AFTPH: variants seen among roughly 807,000 people sequenced by gnomAD.
AFTPH encodes the protein aftiphilin.
In AFTPH, 7 loss-of-function variants were observed where a neutral mutation model predicts 72.5. That is an observed-to-expected ratio of 0.10 (90% CI 0.05 to 0.18). AFTPH has a LOEUF of 0.18. Ranked by LOEUF, AFTPH falls within the 10% of genes least tolerant of loss-of-function variation. The pLI is 1.00. For synonymous variants in AFTPH, 337 were observed against 370.1 expected, an observed-to-expected ratio of 0.91 and a Z score of 1.03; for missense variants, 979 against 1,060.5, an observed-to-expected ratio of 0.92 and a Z score of 1.07.
At chr2:64,537,150 C>G (rs1332799060) in intron 1 of AFTPH, among the ~76,000 whole-genome samples, 1 of 151,776 alleles carries the variant, frequency 6.6e-6, no homozygotes, top group Non-Finnish European at 1.5e-5. Flanking sequence ...ACAAACAATA[C>G]TGGAATCAAT....
exon 9 of AFTPH, chr2:64,592,176 G>T: frequency 2.6e-6 from 2 of 756,998 alleles, no homozygotes; most frequent in African/African-American, 1.8e-5. Context: ...CACTAGAAAG[G>T]TATACATAGT....
intron 1 of AFTPH, among the ~76,000 whole-genome samples, chr2:64,538,145 T>TA (rs1456151804): frequency 6.6e-6 from 1 of 152,168 alleles, no homozygotes; most frequent in East Asian, 1.9e-4. Flanking sequence ...GGTCATCATG[T>TA]AAAATGTATT....
intron 1 of AFTPH, among the ~76,000 whole-genome samples, chr2:64,550,730 C>CACACACACACAA (rs1299044267): frequency 1.4e-5 from 2 of 140,358 alleles, no homozygotes; most frequent in Admixed American, 1.4e-4. Context: ...CACACACACA[C>CACACACACACAA]AACTGGTGAA....
intron 3 of AFTPH, 91 bp from the exon 4 acceptor site, chr2:64,568,999 ATG>A: frequency 1.5e-6 from 2 of 1,344,534 alleles, no homozygotes; most frequent in Admixed American, 1.7e-5. Context: ...AGTAAATGGA[ATG>A]TGTGTTATGT....
chr2:64,579,441 A>G (rs777779349), intron 6 of AFTPH, 45 bp from the exon 7 acceptor site: 27 of 1,504,254 alleles, frequency 1.8e-5, no homozygotes, highest in African/African-American at 7.0e-5. Context: ...TTACGTTGCT[A>G]CAACCTGTAC....
intron 6 of AFTPH, among the ~76,000 whole-genome samples, chr2:64,574,997 G>A (rs1672675463): frequency 1.3e-5 from 2 of 151,400 alleles, no homozygotes; most frequent in Admixed American, 1.3e-4. Context: ...TACATTCACT[G>A]AAAATGGAGC....
At chr2:64,550,771 G>T (rs559576521) in intron 1 of AFTPH, among the ~76,000 whole-genome samples, 1 of 149,396 alleles carries the variant, frequency 6.7e-6, no homozygotes, top group Non-Finnish European at 1.5e-5. Flanking sequence ...TGAGTTAATA[G>T]TATTGTACTG....
At chr2:64,553,064 T>C (rs1671146790) in exon 2 of AFTPH, 1 of 1,614,036 alleles carries the variant, frequency 6.2e-7, no homozygotes, top group African/African-American at 1.3e-5. Context: ...AACTTAAAAA[T>C]GGGCAAGAAG....
At chr2:64,537,540 A>G (rs1669963991) in intron 1 of AFTPH, among the ~76,000 whole-genome samples, 1 of 152,228 alleles carries the variant, frequency 6.6e-6, no homozygotes, top group Non-Finnish European at 1.5e-5. Context: ...TATCTTTTAG[A>G]GAACTTTTAC....
chr2:64,563,008 G>A (rs906295753), intron 2 of AFTPH, among the ~76,000 whole-genome samples: 1 of 152,176 alleles, frequency 6.6e-6, no homozygotes, highest in Non-Finnish European at 1.5e-5. Flanking sequence ...ACTGTTTGAT[G>A]CAACCTTTTT....
Position 64,584,593 on chromosome 2 carries a change from A to ATTT in AFTPH, c.2456-810_2456-808dup, listed in dbSNP as rs5831705. ...TGTTTATGATTAGTCCTTAGTCATGATTTTTTTTTTTTTTTTTTTTTGAGA... is the reference window on the plus strand; with the variant it reads ...TGTTTATGATTAGTCCTTAGTCATGATTTTTTTTTTTTTTTTTTTTTTTTGAGA... On this transcript the variant is annotated intron_variant, in intron 7 of 8. Coordinates refer to ENST00000238856, the Ensembl canonical transcript of AFTPH. 8.5e-4 allele frequency among the ~76,000 whole-genome samples: 99 copies of ATTT among 116,948 alleles called. 1 individual carries two copies. Among genetic ancestry groups the ATTT allele is most frequent in the South Asian group, 3.9e-3 (14 of 3,546 alleles). 76.7% of individuals were successfully genotyped at this position (116,948 alleles called of 152,430 possible). A position where few individuals can be genotyped will look rare whatever the true frequency, so the allele number is the denominator to read the frequency against.
chr2:64,562,194 A>G (rs937413680), intron 2 of AFTPH, among the ~76,000 whole-genome samples: 1 of 152,198 alleles, frequency 6.6e-6, no homozygotes, highest in Non-Finnish European at 1.5e-5. Context: ...GGTATATGGG[A>G]GACAAGATTT....
chr2:64,559,010 C>A (rs11691430), intron 2 of AFTPH, among the ~76,000 whole-genome samples: 52,863 of 151,996 alleles, frequency 0.35, 9,340 homozygotes, highest in South Asian at 0.39. Flanking sequence ...GCAAACTCCA[C>A]ACAGGTAGTG....
intron 6 of AFTPH, among the ~76,000 whole-genome samples, chr2:64,575,711 G>A (rs79266175): frequency 0.043 from 1,899 of 44,376 alleles, 52 homozygotes; most frequent in African/African-American, 0.19. Flanking sequence ...ATATGTGTGT[G>A]TGTGTGTGTG....
exon 9 of AFTPH, chr2:64,591,894 G>T: frequency 1.2e-6 from 2 of 1,613,534 alleles, no homozygotes; most frequent in Non-Finnish European, 1.7e-6. Flanking sequence ...GTAGGAAACC[G>T]AAAAGAGAAG....
At chr2:64,533,487 T>C (rs1362914) in intron 1 of AFTPH, among the ~76,000 whole-genome samples, 61,168 of 151,992 alleles carry the variant, frequency 0.4, 12,425 homozygotes, top group African/African-American at 0.47. Flanking sequence ...AAAACCCCAT[T>C]TGTGATTTTT....
At chr2:64,552,197 A>G (rs1319747594) in exon 2 of AFTPH, 1 of 1,613,830 alleles carries the variant, frequency 6.2e-7, no homozygotes, top group Admixed American at 1.7e-5. Flanking sequence ...CCAAAAAGGA[A>G]AGGATACAAT....
At chr2:64,585,572 A>C in intron 8 of AFTPH, 27 bp downstream of exon 9, 2 of 1,573,420 alleles carry the variant, frequency 1.3e-6, no homozygotes, top group Non-Finnish European at 1.7e-6. Flanking sequence ...AATTATACCC[A>C]CATTTTGAAT....
Position 64,567,456 on chromosome 2 carries a change from TCTCA to T in AFTPH, c.1936-104_1936-101del, listed in dbSNP as rs563158477. The T allele has an allele frequency of 1.1e-3, 1,276 of 1,143,314 alleles. 9 individuals are homozygous for T. In the Middle Eastern group the frequency reaches 0.017, roughly 15 times the overall value. The allele number at this position is 1,143,314 out of a possible 1,614,324, so 70.8% of individuals were successfully genotyped here. On this transcript the variant is annotated intron_variant, in intron 2 of 8. Transcript: ENST00000238856. ...GTGTTTTCTGATGGTTCTCTTCCTCTCTCACAGTAGTGGACAGGGTGTGCGTGTG... is the reference window on the plus strand; with the variant it reads ...GTGTTTTCTGATGGTTCTCTTCCTCTCAGTAGTGGACAGGGTGTGCGTGTG...
Sources: gnomAD v4.1 joint callset for allele counts (sites outside exome capture counted in the v4.1 genomes callset) on GRCh38, gnomAD v4.1.1 for gene constraint, MANE v1.5 for transcripts, NCBI Gene and HGNC (gene_info 2026-07-23, HGNC 2026-07-21) for gene names.